The following NUDT12 variants were observed in gnomAD, a reference collection of about 807,000 sequenced individuals.
The protein encoded by NUDT12 is nudix hydrolase 12.
A neutral mutation model predicts 45.7 loss-of-function variants in NUDT12; 42 were observed. The ratio of observed to expected loss-of-function variants is 0.92; its 90% CI spans 0.72 to 1.19. The LOEUF is 1.19. Among genes scored for constraint, NUDT12 ranks in the 50% most tolerant of loss-of-function variants. NUDT12 has a pLI of 0.00. For synonymous variants in NUDT12, 206 were observed against 179.7 expected (o/e 1.15, Z -1.17); for missense variants, 590 against 533.1 (o/e 1.11, Z -1.05).
chr5:103,555,012 T>C (rs941383159), intron 4 of NUDT12, among the ~76,000 whole-genome samples, 159 bp from the exon 5 acceptor site: 6 of 152,092 alleles, frequency 3.9e-5, no homozygotes, highest in Non-Finnish European at 5.9e-5. Flanking sequence ...CTAATGTAGC[T>C]GATAATAGAA....
chr5:103,554,570 A>C lies in NUDT12; in HGVS notation c.1078+170T>G, dbSNP rs1361717993. On this transcript the variant is annotated intron_variant, in intron 5 of 6. Transcript: ENST00000230792. ...AAGTAATTTATATAATTCTCATATA[A>C]AACATGAGAATTACATGTTTATATT... 3 of 338,772 alleles carry C rather than the reference A, an allele frequency of 8.9e-6. No homozygotes were observed. The East Asian group carries it at 1.4e-4, about 16-fold the overall frequency. The allele number at this position is 338,772 out of a possible 1,614,324, so 21.0% of individuals were successfully genotyped here.
intron 5 of NUDT12, among the ~76,000 whole-genome samples, chr5:103,553,901 A>G (rs1748731208): frequency 6.6e-6 from 1 of 151,986 alleles, no homozygotes; most frequent in Non-Finnish European, 1.5e-5. Flanking sequence ...TCTTGAGCAA[A>G]TTATTTAGTC....
Position 103,549,688 on chromosome 5 carries a change from C to A in NUDT12, c.*1173G>T, listed in dbSNP as rs550065485. On this transcript the variant is annotated 3_prime_UTR_variant, in exon 7 of 7. Coordinates refer to ENST00000230792, the MANE Select transcript of NUDT12 (RefSeq NM_031438.4). ...TAAGGTCTCTTGTAGCTCTAGCATA[C>A]ATTAGTAAAGATGCAAATTATACAA... 2.5e-4 allele frequency: 38 copies of A among 152,070 alleles called. No homozygotes were observed. Among genetic ancestry groups the A allele is most frequent in the African/African-American group, 8.4e-4 (35 of 41,518 alleles). 9.4% of individuals were successfully genotyped at this position (152,070 alleles called of 1,614,324 possible). A position where few individuals can be genotyped will look rare whatever the true frequency, so the allele number is the denominator to read the frequency against.
At chr5:103,556,152 A>T (rs955631807) in intron 3 of NUDT12, 54 bp from the exon 4 acceptor site, 3 of 1,291,102 alleles carry the variant, frequency 2.3e-6, no homozygotes, top group African/African-American at 1.5e-5. Flanking sequence ...ATTAAAATCA[A>T]TATATAAGTA....
chr5:103,551,013 G>T, intron 6 of NUDT12, 42 bp from the exon 7 acceptor site: 1 of 1,370,682 alleles, frequency 7.3e-7, no homozygotes, highest in Non-Finnish European at 1.0e-6. Context: ...TTTCAAAGCT[G>T]TCATATTTAA....
At chr5:103,553,055 T>TA (rs1247114298) in intron 5 of NUDT12, among the ~76,000 whole-genome samples, 47 of 152,218 alleles carry the variant, frequency 3.1e-4, no homozygotes, top group Middle Eastern at 6.8e-3. Flanking sequence ...CATTTCTAAG[T>TA]AAAATCTGGA....
intron 3 of NUDT12, among the ~76,000 whole-genome samples, chr5:103,556,938 A>G (rs1310919544): frequency 6.6e-6 from 1 of 152,104 alleles, no homozygotes; most frequent in Admixed American, 6.6e-5. Context: ...TGAATAGACA[A>G]CATTACGTTT....
At chr5:103,559,582 G>C (rs567167241) in intron 2 of NUDT12, 114 bp from the exon 3 acceptor site, 1 of 522,006 alleles carries the variant, frequency 1.9e-6, no homozygotes, top group South Asian at 6.1e-5. Context: ...TCTTTTTAAT[G>C]ATTACATAGA....
chr5:103,558,428 T>G (rs1395551634), intron 3 of NUDT12, among the ~76,000 whole-genome samples: 3 of 152,240 alleles, frequency 2.0e-5, no homozygotes, highest in Non-Finnish European at 4.4e-5. Flanking sequence ...TGTGTACAAT[T>G]TATGCTCTAT....
At chr5:103,557,896 T>C (rs992941779) in intron 3 of NUDT12, among the ~76,000 whole-genome samples, 3 of 152,058 alleles carry the variant, frequency 2.0e-5, no homozygotes, top group Non-Finnish European at 2.9e-5. Flanking sequence ...GCCATATGGG[T>C]ATTTCCAGTT....
In NUDT12 at chr5:103,554,800, C is replaced by T; in HGVS notation, c.1018G>A (p.Gly340Ser). The stretch of plus-strand genomic sequence containing the variant: ...CCTGGGGGAAATCTTTTCTGCCTGC[C>T]TAAAAGGCATTTGGTCCCATCTGGA... ...IHPDGTKCLL[G>S]RQKRFPPGMF... The change falls in exon 5 of 7, where the codon GGC (glycine) becomes AGC (serine). Residue 340 changes from glycine (G) to serine (S), a missense_variant. Transcript: ENST00000230792. 6.4e-7 allele frequency: 1 copy of T among 1,563,664 alleles called. No homozygotes were observed. The highest frequency in any genetic ancestry group is 1.4e-5 in the African/African-American group (1 of 72,358).
At chr5:103,554,405 T>C in intron 5 of NUDT12, 1 of 158,954 alleles carries the variant, frequency 6.3e-6, no homozygotes, top group Admixed American at 6.5e-5. Flanking sequence ...TCTGGGGCAA[T>C]CAAGCAAGGC....
At chr5:103,551,609 T>C (rs1157183260) in intron 6 of NUDT12, among the ~76,000 whole-genome samples, 2 of 152,206 alleles carry the variant, frequency 1.3e-5, no homozygotes, top group Admixed American at 6.5e-5. Context: ...TAAGCAATAA[T>C]CTAATTTCCA....
chr5:103,562,384 A>G (rs1749060778), intron 1 of NUDT12, among the ~76,000 whole-genome samples: 1 of 152,124 alleles, frequency 6.6e-6, no homozygotes, highest in Non-Finnish European at 1.5e-5. Context: ...ATGCCTTAAG[A>G]TATTTTACTT....
At chr5:103,551,984 G>A (rs1748667106) in intron 6 of NUDT12, among the ~76,000 whole-genome samples, 1 of 152,042 alleles carries the variant, frequency 6.6e-6, no homozygotes, top group Admixed American at 6.6e-5. Flanking sequence ...TCTGAAACTC[G>A]AAATGGTACA....
At chr5:103,558,658 C>T (rs1282160620) in intron 3 of NUDT12, among the ~76,000 whole-genome samples, 1 of 152,058 alleles carries the variant, frequency 6.6e-6, no homozygotes, top group Non-Finnish European at 1.5e-5. Flanking sequence ...TCATCATGCA[C>T]CAGGGTTAAT....
In NUDT12 at chr5:103,554,553, T is replaced by C. The variant is rs150306659; in HGVS notation, c.1078+187A>G. On this transcript the variant is annotated intron_variant, in intron 5 of 6. Coordinates refer to ENST00000230792, the MANE Select transcript of NUDT12 (RefSeq NM_031438.4). ...GACCAAATTACTAGGAAAAGTAATT[T>C]ATATAATTCTCATATAAAACATGAG... is the stretch of plus-strand genomic sequence containing the variant. 2.4e-3 allele frequency: 749 copies of C among 305,746 alleles called. 6 individuals are homozygous for C. Among genetic ancestry groups the C allele is most frequent in the African/African-American group, 0.015 (710 of 46,172 alleles). The allele number at this position is 305,746 out of a possible 1,614,324, so 18.9% of individuals were successfully genotyped here.
intron 3 of NUDT12, among the ~76,000 whole-genome samples, chr5:103,558,205 C>A (rs1748893090): frequency 6.6e-6 from 1 of 152,070 alleles, no homozygotes; most frequent in Non-Finnish European, 1.5e-5. Flanking sequence ...TACCTTAATT[C>A]ATGCCATATT....
Position 103,560,227 on chromosome 5 carries a change from G to T in NUDT12, c.22C>A (p.Leu8Met), listed in dbSNP as rs1382767453. ...AACTGAGTAACTATTTCTTGCTTCA[G>T]ACTTCTTTTTACAGAAGACATTTCT... Reference protein sequence around the residue: MSSVKRSLKQEIVTQFHC... With the variant: MSSVKRSMKQEIVTQFHC... Residue 8 changes from leucine (L) to methionine (M), a missense_variant, in exon 2 of 7, where the codon CTG (leucine) becomes ATG (methionine). Physicochemically the swap from Leu to Met is conservative, Grantham distance 15. Coordinates refer to ENST00000230792, the MANE Select transcript of NUDT12 (RefSeq NM_031438.4). 8 of 1,613,500 alleles carry T rather than the reference G, an allele frequency of 5.0e-6. No homozygotes were observed. The East Asian group carries it at 1.6e-4, about 31-fold the overall frequency.
Sources: allele counts gnomAD v4.1 joint callset (sites outside exome capture counted in the v4.1 genomes callset), GRCh38; gene constraint gnomAD v4.1.1; transcripts MANE v1.5; gene names NCBI Gene and HGNC (gene_info 2026-07-23, HGNC 2026-07-21).